Variants in ULK4 observed in about 807,000 individuals in gnomAD.
ULK4 encodes the protein unc-51 like kinase 4, also known as inactive serine/threonine-protein kinase ULK4.
ULK4 carries 133 observed loss-of-function variants against 160.6 expected under a neutral mutation model. The observed-to-expected ratio is 0.83, with a 90% CI of 0.72 to 0.96. ULK4 has a LOEUF of 0.96. Among genes scored for constraint, ULK4 ranks in the 40% least tolerant of loss-of-function variants. The pLI, the probability that ULK4 is intolerant of heterozygous loss-of-function variation, is 0.00. For missense variants in ULK4, 1,580 were observed against 1,499.5 expected (o/e 1.05, Z -0.89); for synonymous variants, 534 against 539.8 (o/e 0.99, Z 0.15).
intron 7 of ULK4, 53 bp downstream of exon 7, chr3:41,918,404 C>T: frequency 1.6e-6 from 2 of 1,280,572 alleles, no homozygotes; most frequent in South Asian, 2.8e-5. Context: ...TAAAGGTACA[C>T]CTTTAATCAG....
At chr3:41,696,637 G>C (rs546530414) in intron 27 of ULK4, among the ~76,000 whole-genome samples, 2 of 151,968 alleles carry the variant, frequency 1.3e-5, no homozygotes, top group Non-Finnish European at 2.9e-5. Flanking sequence ...CTCCACACAC[G>C]GCAAGAAAAA....
intron 29 of ULK4, 35 bp from the exon 30 acceptor site, chr3:41,663,734 A>G (rs779497046): frequency 2.6e-6 from 4 of 1,557,380 alleles, no homozygotes; most frequent in Admixed American, 1.7e-5. Flanking sequence ...AATACTCAGT[A>G]GGAAAAATTA....
At chr3:41,539,299 A>G (rs2086619209) in intron 32 of ULK4, among the ~76,000 whole-genome samples, 1 of 152,168 alleles carries the variant, frequency 6.6e-6, no homozygotes, top group Non-Finnish European at 1.5e-5. Context: ...GGACATGTCT[A>G]TGTTCCAAGA....
At chr3:41,416,824 A>T (rs1429273054) in intron 34 of ULK4, among the ~76,000 whole-genome samples, 2 of 152,226 alleles carry the variant, frequency 1.3e-5, no homozygotes, top group East Asian at 3.9e-4. Flanking sequence ...AGAAAGGGGG[A>T]CCCAAATTTG....
rs145309561 is a variant in ULK4, at chr3:41,649,974, A to G, written c.3071+13633T>C. Among the ~76,000 whole-genome samples the G allele has an allele frequency of 3.9e-5, 6 of 152,294 alleles. No homozygotes were observed. The East Asian group carries it at 9.7e-4, about 25-fold the overall frequency. On this transcript the variant is annotated intron_variant, in intron 30 of 36. Transcript: ENST00000301831. ...AAACCCCAGACTCAGCCAGACTCAG[A>G]CAGACATTGGGACTACCAGCTGAGG...
chr3:41,324,213 G>A (rs2080300064), intron 35 of ULK4, among the ~76,000 whole-genome samples: 2 of 152,314 alleles, frequency 1.3e-5, no homozygotes, highest in African/African-American at 4.8e-5. Flanking sequence ...GAAGATGTAG[G>A]CCTTGCTCCT....
intron 34 of ULK4, among the ~76,000 whole-genome samples, chr3:41,451,774 C>G (rs1457871781): frequency 6.6e-6 from 1 of 152,100 alleles, no homozygotes; most frequent in African/African-American, 2.4e-5. Context: ...TAAGGTTGAA[C>G]CAAATGAAAC....
chr3:41,665,429 A>G (rs1416989159), intron 29 of ULK4, among the ~76,000 whole-genome samples: 1 of 152,204 alleles, frequency 6.6e-6, no homozygotes. Context: ...CTCATACTCA[A>G]ATGGGACCTG....
Position 41,907,915 on chromosome 3 carries a change from G to A in ULK4, c.1112C>T (p.Thr371Ile). The change falls in exon 12 of 37, where the codon ACT becomes ATT. Residue 371 changes from threonine to isoleucine, a missense_variant. Transcript: ENST00000301831. ...LSSRPTPRTS[T>I]AVEVSPGEDM... ...CTCACCAGGACTTACTTCCACTGCA[G>A]TGCTAGTTCTGGGAGTAGGACGAGA... The A allele has an allele frequency of 6.2e-7, 1 of 1,607,554 alleles. No homozygotes were observed. The highest frequency in any genetic ancestry group is 8.5e-7 in the Non-Finnish European group (1 of 1,177,292).
chr3:41,777,274 T>C (rs1459494685), intron 21 of ULK4, among the ~76,000 whole-genome samples: 1 of 90,786 alleles, frequency 1.1e-5, no homozygotes, highest in East Asian at 2.8e-4. Context: ...TGATATCCCC[T>C]TTATCATTTT....
chr3:41,734,085 C>T (rs9854833), intron 22 of ULK4, among the ~76,000 whole-genome samples: 27,357 of 151,874 alleles, frequency 0.18, 2,538 homozygotes, highest in Middle Eastern at 0.32. Flanking sequence ...AAACATATTA[C>T]TGGGGTGGGG....
chr3:41,330,139 A>T (rs1482533641), intron 35 of ULK4, among the ~76,000 whole-genome samples: 1 of 152,104 alleles, frequency 6.6e-6, no homozygotes, highest in African/African-American at 2.4e-5. Context: ...TGCCAGAGAG[A>T]TTAGAATTTG....
chr3:41,657,575 T>C (rs1044575330), intron 30 of ULK4, among the ~76,000 whole-genome samples: 1 of 151,984 alleles, frequency 6.6e-6, no homozygotes, highest in African/African-American at 2.4e-5. Context: ...ATCCCAGCAC[T>C]TTAAGAGGCC....
At chr3:41,480,206 CAAAAAAA>C (rs60805184) in intron 32 of ULK4, among the ~76,000 whole-genome samples, 9 of 97,152 alleles carry the variant, frequency 9.3e-5, no homozygotes, top group South Asian at 3.6e-4. Flanking sequence ...GACTCCGTAT[CAAAAAAA>C]AAAAAAAAAA....
At chr3:41,854,399 G>C (rs967690838) in intron 17 of ULK4, among the ~76,000 whole-genome samples, 2 of 152,110 alleles carry the variant, frequency 1.3e-5, no homozygotes, top group Admixed American at 1.3e-4. Flanking sequence ...TTGGTTCTCT[G>C]ACCACAGTGG....
rs546323141 is a variant in ULK4 at position 41,639,494 on chromosome 3, G to A, written c.3072-23777C>T. Among the ~76,000 whole-genome samples the A allele has an allele frequency of 2.7e-4, 41 of 152,272 alleles. No individual in the cohort carries two copies. The South Asian group carries it at 3.1e-3, about 12-fold the overall frequency. On this transcript the variant is annotated intron_variant, in intron 30 of 36. Transcript: ENST00000301831. ...AGTAATCCCAGCACTTTGGGAGGCC[G>A]AGTCAGGCAGATCACCTGAGGTCAG...
chr3:41,874,049 T>C (rs941159524), intron 17 of ULK4, among the ~76,000 whole-genome samples: 11 of 152,108 alleles, frequency 7.2e-5, no homozygotes, highest in African/African-American at 2.7e-4. Context: ...CATATATATG[T>C]ATATATAATT....
intron 8 of ULK4, 42 bp downstream of exon 8, chr3:41,915,935 A>C: frequency 7.2e-7 from 1 of 1,387,130 alleles, no homozygotes; most frequent in Non-Finnish European, 1.0e-6. Flanking sequence ...CATTTGCAGA[A>C]CTCAAAAGAA....
chr3:41,727,841 G>A (rs183210976), intron 22 of ULK4, among the ~76,000 whole-genome samples: 112 of 152,322 alleles, frequency 7.4e-4, no homozygotes, highest in African/African-American at 2.5e-3. Flanking sequence ...GAGAAGTCAT[G>A]GTGGCTTTGG....
Sources: gnomAD v4.1 joint callset for allele counts (sites outside exome capture counted in the v4.1 genomes callset) on GRCh38, gnomAD v4.1.1 for gene constraint, MANE v1.5 for transcripts, NCBI Gene and HGNC (gene_info 2026-07-23, HGNC 2026-07-21) for gene names.